The following PAM variants were observed in gnomAD, a reference collection of about 807,000 sequenced individuals.
The protein encoded by PAM is peptidylglycine alpha-amidating monooxygenase, also known as peptidyl-glycine alpha-amidating monooxygenase.
PAM carries 72 observed loss-of-function variants against 122.1 expected under a neutral mutation model. The observed-to-expected ratio is 0.59, with a 90% CI of 0.49 to 0.72. The LOEUF is 0.72. Ranked by LOEUF, PAM falls within the 30% of genes least tolerant of loss-of-function variation. PAM has a pLI of 0.00. For synonymous variants in PAM, 389 were observed against 404.4 expected (o/e 0.96, Z 0.46); for missense variants, 1,106 against 1,183.7 (o/e 0.93, Z 0.96).
At chr5:102,791,817 G>C (rs949381921) in intron 1 of PAM, among the ~76,000 whole-genome samples, 40 of 152,090 alleles carry the variant, frequency 2.6e-4, no homozygotes, top group African/African-American at 9.2e-4. Context: ...AGATAAACCA[G>C]GTAGTTTCAC....
At chr5:102,783,208 G>A (rs1759525032) in intron 1 of PAM, among the ~76,000 whole-genome samples, 1 of 147,024 alleles carries the variant, frequency 6.8e-6, no homozygotes, top group Non-Finnish European at 1.5e-5. Flanking sequence ...AAATGAAAAT[G>A]TGGGTGTATT....
chr5:102,805,772 A>G (rs1394435599), intron 1 of PAM, among the ~76,000 whole-genome samples: 1 of 152,360 alleles, frequency 6.6e-6, no homozygotes, highest in African/African-American at 2.4e-5. Context: ...AACACTAACT[A>G]GTACAAGACA....
chr5:102,913,119 G>A (rs1263369429), intron 4 of PAM, among the ~76,000 whole-genome samples: 3 of 151,928 alleles, frequency 2.0e-5, no homozygotes, highest in African/African-American at 7.2e-5. Context: ...AGCATTTTAT[G>A]TGCAAAGGTG....
At chr5:103,006,777 A>C (rs373825714) in intron 18 of PAM, 24 bp from the exon 19 acceptor site, 17 of 1,547,972 alleles carry the variant, frequency 1.1e-5, no homozygotes, top group Non-Finnish European at 1.3e-5. Flanking sequence ...AAAGTAGGTA[A>C]GGCTTTTGTT....
intron 3 of PAM, among the ~76,000 whole-genome samples, chr5:102,888,642 G>A (rs1244474600): frequency 6.6e-6 from 1 of 151,602 alleles, no homozygotes; most frequent in Non-Finnish European, 1.5e-5. Flanking sequence ...CCCATCTCAG[G>A]GTTTGGTTCA....
At chr5:102,784,217 T>C (rs1289312747) in intron 1 of PAM, among the ~76,000 whole-genome samples, 1 of 152,148 alleles carries the variant, frequency 6.6e-6, no homozygotes, top group Non-Finnish European at 1.5e-5. Flanking sequence ...TTTCTCTCTG[T>C]TCTTACCTGG....
chr5:102,875,494 C>T (rs1438002483), intron 3 of PAM, among the ~76,000 whole-genome samples: 1 of 152,108 alleles, frequency 6.6e-6, no homozygotes, highest in East Asian at 1.9e-4. Context: ...GTGCCCAGCC[C>T]ATCCTAAATC....
At chr5:102,901,841 A>G (rs1322087893) in intron 4 of PAM, among the ~76,000 whole-genome samples, 4 of 151,544 alleles carry the variant, frequency 2.6e-5, no homozygotes, top group African/African-American at 7.3e-5. Context: ...ATAGAAAGGA[A>G]GGGAAGGAGA....
intron 21 of PAM, among the ~76,000 whole-genome samples, chr5:103,016,708 C>T (rs772269501): frequency 6.6e-6 from 1 of 152,152 alleles, no homozygotes; most frequent in South Asian, 2.1e-4. Flanking sequence ...TTGGAGGTAA[C>T]ACTCAATTTC....
chr5:102,969,246 C>T (rs1169859511), intron 14 of PAM, among the ~76,000 whole-genome samples: 1 of 150,550 alleles, frequency 6.6e-6, no homozygotes, highest in Non-Finnish European at 1.5e-5. Flanking sequence ...ATAAAAAATG[C>T]CACAAATCAA....
At chr5:102,848,482 A>C (rs1004873214) in intron 1 of PAM, among the ~76,000 whole-genome samples, 2 of 152,192 alleles carry the variant, frequency 1.3e-5, no homozygotes, top group African/African-American at 4.8e-5. Context: ...CTGACTTATG[A>C]GCGTCCCACA....
At chr5:102,894,270 A>C in intron 3 of PAM, among the ~76,000 whole-genome samples, 1 of 151,698 alleles carries the variant, frequency 6.6e-6, no homozygotes, top group Admixed American at 6.6e-5. Context: ...AAATATTAAT[A>C]AGTTAGGGAT....
chr5:102,959,943 C>T lies in PAM; in HGVS notation c.974C>T (p.Ser325Phe), dbSNP rs1023910255. 2 of 1,612,056 alleles carry T rather than the reference C, an allele frequency of 1.2e-6. No homozygotes were observed. Among genetic ancestry groups the T allele is most frequent in the East Asian group, 2.2e-5 (1 of 44,820 alleles). Residue 325 changes from serine (S) to phenylalanine (F), a missense_variant, in exon 13 of 26, where the codon TCT becomes TTT. Physicochemically the swap from Ser to Phe is radical, Grantham distance 155. Around this residue, in one of 3 missense-constraint regions of PAM, gnomAD observed 670 missense variants for 690.3 expected, o/e 0.97. Transcript: ENST00000438793. ...MYYMEAKHAV[S>F]FMTCTQNVAP... ...TACATGGAAGCCAAGCATGCAGTTTCTTTCATGACCTGTACCCAGAATGTA... is the reference window on the plus strand; with the variant it reads ...TACATGGAAGCCAAGCATGCAGTTTTTTTCATGACCTGTACCCAGAATGTA...
intron 1 of PAM, among the ~76,000 whole-genome samples, chr5:102,776,648 A>G (rs957375449): frequency 1.3e-5 from 2 of 151,970 alleles, no homozygotes; most frequent in African/African-American, 4.8e-5. Flanking sequence ...ACTTTAAAAA[A>G]TTGTGGTAAA....
downstream of PAM, chr5:103,030,233 G>C (rs1223121435): frequency 6.6e-6 from 1 of 152,126 alleles, no homozygotes; most frequent in East Asian, 1.9e-4. Context: ...CTCCAGCCTA[G>C]GCTACAGAGT....
chr5:102,855,697 T>G (rs1782453863), intron 1 of PAM, among the ~76,000 whole-genome samples: 1 of 152,098 alleles, frequency 6.6e-6, no homozygotes, highest in Non-Finnish European at 1.5e-5. Flanking sequence ...CTAGTATGCC[T>G]AAGGATGTGG....
At chr5:102,968,462 G>T (rs776177625) in intron 14 of PAM, among the ~76,000 whole-genome samples, 8 of 152,082 alleles carry the variant, frequency 5.3e-5, no homozygotes, top group Non-Finnish European at 1.2e-4. Flanking sequence ...GTATTAAACC[G>T]TATAAAGCAT....
At chr5:102,969,132 AATGTAGATG>A (rs891163999) in intron 14 of PAM, among the ~76,000 whole-genome samples, 3 of 152,078 alleles carry the variant, frequency 2.0e-5, no homozygotes, top group African/African-American at 7.2e-5. Flanking sequence ...AGGAATACCT[AATGTAGATG>A]ATGGGTTGAT....
chr5:102,988,712 A>G (rs1772963601), intron 15 of PAM, among the ~76,000 whole-genome samples: 1 of 147,040 alleles, frequency 6.8e-6, no homozygotes, highest in African/African-American at 2.6e-5. Context: ...AAAGAGAAAG[A>G]AAGAAAAGAA....
Sources: gnomAD v4.1 joint callset for allele counts (sites outside exome capture counted in the v4.1 genomes callset) on GRCh38, gnomAD v4.1.1 for gene constraint, gnomAD v4.1.1 regional missense constraint, MANE v1.5 for transcripts, NCBI Gene and HGNC (gene_info 2026-07-23, HGNC 2026-07-21) for gene names.